Variants in LEMD3 observed in about 807,000 individuals in gnomAD.
LEMD3 encodes the protein LEM domain containing 3, also known as inner nuclear membrane protein Man1.
Under a neutral mutation model 95.2 loss-of-function variants are expected in LEMD3, and 33 were observed. The ratio of observed to expected loss-of-function variants is 0.35; its 90% CI spans 0.26 to 0.46. The LOEUF is 0.46. LEMD3 is among the 20% of genes least tolerant of loss of function. The pLI is 1.00. For synonymous variants in LEMD3, 525 were observed against 474.6 expected, an observed-to-expected ratio of 1.11 and a Z score of -1.38; for missense variants, 1,210 against 1,192.8, an observed-to-expected ratio of 1.01 and a Z score of -0.21.
intron 4 of LEMD3, among the ~76,000 whole-genome samples, chr12:65,221,915 G>A (rs1592453315): frequency 6.6e-6 from 1 of 151,480 alleles, no homozygotes; most frequent in East Asian, 2.0e-4. Context: ...TAATTTTTTT[G>A]TATTGTTAGT....
chr12:65,170,030 A>G lies in LEMD3; in HGVS notation c.434A>G (p.Asp145Gly). 1 of 1,517,088 alleles carries G rather than the reference A, an allele frequency of 6.6e-7. No homozygotes were observed. Among genetic ancestry groups the G allele is most frequent in the South Asian group, 1.2e-5 (1 of 81,804 alleles). 94.0% of individuals were successfully genotyped at this position (1,517,088 alleles called of 1,614,324 possible). ...CTGGGCTTCAGCTCGGACGAGTCGG[A>G]CGTGGAGGCCAGTCCCCGGGACCAG... is the stretch of plus-strand genomic sequence containing the variant. ...VLLGFSSDES[D>G]VEASPRDQAG... is the part of the protein sequence containing the mutation. The change falls in exon 1 of 13, where the codon GAC becomes GGC. Residue 145 changes from aspartate (D) to glycine (G), a missense_variant. Asp to Gly is a moderately conservative substitution (Grantham distance 94). This residue lies in a region of LEMD3 where 749 missense variants were observed against 622.9 expected (regional missense o/e 1.20). Transcript: ENST00000308330.
chr12:65,201,049 A>G (rs899744709), intron 1 of LEMD3, among the ~76,000 whole-genome samples: 2 of 152,146 alleles, frequency 1.3e-5, no homozygotes, highest in African/African-American at 4.8e-5. Context: ...TATTTGTTGA[A>G]AAAACTATCT....
At chr12:65,208,353 C>A (rs577972314) in intron 1 of LEMD3, among the ~76,000 whole-genome samples, 1 of 152,046 alleles carries the variant, frequency 6.6e-6, no homozygotes, top group African/African-American at 2.4e-5. Context: ...TATCATTGCT[C>A]TAGGATAAGG....
At chr12:65,202,011 CTTT>C (rs534109719) in intron 1 of LEMD3, among the ~76,000 whole-genome samples, 3 of 131,662 alleles carry the variant, frequency 2.3e-5, no homozygotes, top group Admixed American at 7.6e-5. Context: ...GGGTATTGAA[CTTT>C]TTTTTTTTTT....
chr12:65,177,324 C>T (rs1040045086), intron 1 of LEMD3, among the ~76,000 whole-genome samples: 1 of 151,992 alleles, frequency 6.6e-6, no homozygotes, highest in African/African-American at 2.4e-5. Flanking sequence ...GGAGTTGGGC[C>T]TATGAATGAA....
At chr12:65,208,165 T>C (rs1869821148) in intron 1 of LEMD3, among the ~76,000 whole-genome samples, 2 of 152,056 alleles carry the variant, frequency 1.3e-5, no homozygotes, top group Non-Finnish European at 2.9e-5. Context: ...AAGAAAAGCT[T>C]GGTATATTTG....
At chr12:65,172,089 A>G (rs929155683) in intron 1 of LEMD3, among the ~76,000 whole-genome samples, 3 of 152,148 alleles carry the variant, frequency 2.0e-5, no homozygotes, top group Non-Finnish European at 4.4e-5. Flanking sequence ...CCTTGAGTTG[A>G]GCAAGAGCCT....
At chr12:65,190,632 G>A (rs1869210812) in intron 1 of LEMD3, among the ~76,000 whole-genome samples, 1 of 152,152 alleles carries the variant, frequency 6.6e-6, no homozygotes, top group Non-Finnish European at 1.5e-5. Context: ...TGTTTCGATT[G>A]ATGTATTATG....
intron 4 of LEMD3, among the ~76,000 whole-genome samples, chr12:65,235,279 A>T (rs1284549027): frequency 2.0e-5 from 3 of 152,146 alleles, no homozygotes; most frequent in Non-Finnish European, 4.4e-5. Flanking sequence ...ATTTATATAC[A>T]AAGTGATTTC....
intron 1 of LEMD3, among the ~76,000 whole-genome samples, chr12:65,203,480 TTAA>T (rs1869665207): frequency 6.6e-6 from 1 of 152,234 alleles, no homozygotes; most frequent in Admixed American, 6.5e-5. Context: ...TGTTGATTTC[TTAA>T]TTCAGTTGCA....
chr12:65,212,092 A>C (rs1869956108), intron 2 of LEMD3, among the ~76,000 whole-genome samples: 1 of 151,994 alleles, frequency 6.6e-6, no homozygotes, highest in South Asian at 2.1e-4. Flanking sequence ...CGGAAGGTGA[A>C]AGTCATGTCT....
chr12:65,241,761 T>C (rs752307923), intron 9 of LEMD3, among the ~76,000 whole-genome samples: 7 of 152,214 alleles, frequency 4.6e-5, no homozygotes, highest in Non-Finnish European at 5.9e-5. Flanking sequence ...AACATAGTAT[T>C]TGTGGAAAAG....
At chr12:65,242,581 C>CT (rs112404362) in intron 9 of LEMD3, among the ~76,000 whole-genome samples, 4,878 of 152,144 alleles carry the variant, frequency 0.032, 185 homozygotes, top group African/African-American at 0.09. Flanking sequence ...TTAATCTCTC[C>CT]TTTATCCCTC....
Position 65,170,361 on chromosome 12 carries a change from G to A in LEMD3, c.765G>A (p.Arg255=). ...NGSRLVPYSC[R]ENYSDSEEED... ...GCCGGCTTGTCCCCTACAGCTGCCG[G>A]GAAAACTATTCGGACTCAGAGGAAG... The change falls in exon 1 of 13, where the codon CGG becomes CGA. Residue 255 remains arginine, a synonymous_variant. Transcript: ENST00000308330. 6.2e-7 allele frequency: 1 copy of A among 1,612,632 alleles called. No homozygotes were observed.
Position 65,248,226 on chromosome 12 carries a change from G to T in LEMD3, c.*1901G>T, listed in dbSNP as rs12071. The T allele has an allele frequency of 1.3e-5, 2 of 152,258 alleles. No individual in the cohort carries two copies. The highest frequency in any genetic ancestry group is 2.4e-5 in the African/African-American group (1 of 41,418). The allele number at this position is 152,258 out of a possible 1,614,324, so 9.4% of individuals were successfully genotyped here. On this transcript the variant is annotated 3_prime_UTR_variant, in exon 13 of 13. Coordinates refer to ENST00000308330, the MANE Select transcript of LEMD3 (RefSeq NM_014319.5). ...CTCCCTGCAAGACAGATGGGAATGT[G>T]TATAATAACTAGGTATTTGAGAAGT...
At position 65,246,783 on chromosome 12, in the gene LEMD3, G is replaced by A. The variant is rs1871124829; in HGVS notation, c.*458G>A. The stretch of plus-strand genomic sequence containing the variant: ...TGTTGATTTCCCAATTTAACCTTAG[G>A]TTTCTGTTGCTTATAAGCGATTCAT... On this transcript the variant is annotated 3_prime_UTR_variant, in exon 13 of 13. Transcript: ENST00000308330. 1 of 166,894 alleles carries A rather than the reference G, an allele frequency of 6.0e-6. No individual in the cohort carries two copies. Among genetic ancestry groups the A allele is most frequent in the Admixed American group, 6.0e-5 (1 of 16,616 alleles). 10.3% of individuals were successfully genotyped at this position (166,894 alleles called of 1,614,324 possible).
chr12:65,210,221 G>A (rs967733520), intron 1 of LEMD3, among the ~76,000 whole-genome samples: 5 of 151,914 alleles, frequency 3.3e-5, no homozygotes, highest in Admixed American at 3.3e-4. Context: ...TTAATACTGA[G>A]ACTTAATTCT....
intron 1 of LEMD3, among the ~76,000 whole-genome samples, chr12:65,194,230 G>A (rs1458743131): frequency 6.6e-6 from 1 of 152,150 alleles, no homozygotes; most frequent in Admixed American, 6.6e-5. Flanking sequence ...TTAGCCCACT[G>A]TATTCTTGTA....
At chr12:65,228,169 T>C (rs12320378) in intron 4 of LEMD3, among the ~76,000 whole-genome samples, 4,612 of 152,086 alleles carry the variant, frequency 0.03, 234 homozygotes, top group African/African-American at 0.11. Flanking sequence ...TCAGCAATGG[T>C]ACAAGTTAAA....
Sources: allele counts gnomAD v4.1 joint callset (sites outside exome capture counted in the v4.1 genomes callset), GRCh38; gene constraint gnomAD v4.1.1; regional missense constraint gnomAD v4.1.1; transcripts MANE v1.5; gene names NCBI Gene and HGNC (gene_info 2026-07-23, HGNC 2026-07-21).